TTC7A: variants seen among roughly 807,000 people sequenced by gnomAD.
TTC7A encodes the protein tetratricopeptide repeat domain 7A.
Under a neutral mutation model 103.7 loss-of-function variants are expected in TTC7A, and 110 were observed. The ratio of observed to expected loss-of-function variants is 1.06; its 90% CI spans 0.91 to 1.24. TTC7A has a LOEUF of 1.24. TTC7A is among the 50% of genes most tolerant of loss of function. The probability of loss-of-function intolerance (pLI) is 0.00; values close to 1 mark genes in which losing one functional copy is unlikely to be tolerated. For synonymous variants in TTC7A, 521 were observed against 467.9 expected, an observed-to-expected ratio of 1.11 and a Z score of -1.47; for missense variants, 1,340 against 1,116.3, an observed-to-expected ratio of 1.20 and a Z score of -2.86.
At chr2:47,056,983 C>T (rs1385915786) in intron 18 of TTC7A, among the ~76,000 whole-genome samples, 2 of 152,212 alleles carry the variant, frequency 1.3e-5, no homozygotes, top group Non-Finnish European at 2.9e-5. Context: ...GGTGCCCTGG[C>T]CAGGGGATGC....
chr2:47,044,369 G>A (rs1353924340), intron 15 of TTC7A, among the ~76,000 whole-genome samples: 1 of 152,194 alleles, frequency 6.6e-6, no homozygotes, highest in Admixed American at 6.5e-5. Flanking sequence ...GAAAGCACAG[G>A]CCCCTGATAC....
At chr2:47,062,386 C>T (rs1042546049) in intron 19 of TTC7A, among the ~76,000 whole-genome samples, 7 of 152,254 alleles carry the variant, frequency 4.6e-5, no homozygotes, top group African/African-American at 1.2e-4. Flanking sequence ...AAAGCCCGTG[C>T]AGCCACCATA....
intron 18 of TTC7A, among the ~76,000 whole-genome samples, chr2:47,053,237 T>C (rs1683018220): frequency 6.6e-6 from 1 of 152,150 alleles, no homozygotes; most frequent in Non-Finnish European, 1.5e-5. Flanking sequence ...AAGAGGGATG[T>C]TGAAAAATCC....
intron 3 of TTC7A, among the ~76,000 whole-genome samples, chr2:46,960,453 G>A (rs1672271187): frequency 6.6e-6 from 1 of 152,202 alleles, no homozygotes; most frequent in Non-Finnish European, 1.5e-5. Flanking sequence ...TGGAAGCTGA[G>A]CCTCTGATGT....
At chr2:46,999,248 C>G (rs1021275684) in intron 8 of TTC7A, among the ~76,000 whole-genome samples, 1 of 151,636 alleles carries the variant, frequency 6.6e-6, no homozygotes, top group African/African-American at 2.4e-5. Context: ...CCATGCATCC[C>G]CCTACCTATT....
chr2:47,073,327 C>A (rs1409603253), intron 19 of TTC7A, among the ~76,000 whole-genome samples: 3 of 151,972 alleles, frequency 2.0e-5, no homozygotes, highest in African/African-American at 7.3e-5. Context: ...ACCGCGCTCT[C>A]GAGAGAGATG....
chr2:47,058,770 C>T (rs564032218), intron 18 of TTC7A, among the ~76,000 whole-genome samples: 1 of 152,304 alleles, frequency 6.6e-6, no homozygotes, highest in East Asian at 1.9e-4. Context: ...AAAGTGCCTA[C>T]CGTGGGGTGT....
intron 8 of TTC7A, among the ~76,000 whole-genome samples, chr2:47,001,343 G>A (rs971623320): frequency 6.6e-6 from 1 of 152,206 alleles, no homozygotes; most frequent in African/African-American, 2.4e-5. Context: ...GAGCCCCCAG[G>A]CAGCTAGAGC....
chr2:46,986,135 A>T (rs1312678564), intron 5 of TTC7A, among the ~76,000 whole-genome samples: 2 of 152,212 alleles, frequency 1.3e-5, no homozygotes, highest in African/African-American at 4.8e-5. Context: ...TACCTGTCAG[A>T]TACTGACGTC....
chr2:47,062,352 G>T (rs563347403), intron 19 of TTC7A, among the ~76,000 whole-genome samples: 1 of 152,352 alleles, frequency 6.6e-6, no homozygotes, highest in African/African-American at 2.4e-5. Flanking sequence ...TTAGGTCTGT[G>T]TGAATGTTCA....
chr2:46,956,887 G>A lies in TTC7A; in HGVS notation c.397G>A (p.Val133Met), dbSNP rs749546800. 26 of 1,614,080 alleles carry A rather than the reference G, an allele frequency of 1.6e-5. No individual in the cohort carries two copies. The highest frequency in any genetic ancestry group is 1.6e-4 in the Middle Eastern group (1 of 6,084). The change falls in exon 3 of 20, where the codon GTG becomes ATG. Residue 133 changes from valine (V) to methionine (M), a missense_variant. Physicochemically the swap from Val to Met is conservative, Grantham distance 21. Transcript: ENST00000319190. ...GCTGATCCTGGGCAAACTGCATTAC[G>A]TGGAGGGCTCATACCGAGATGCCAT... ...AMLILGKLHYVEGSYRDAISM... is the reference protein window; with the variant it reads ...AMLILGKLHYMEGSYRDAISM...
chr2:47,062,400 C>G (rs1285677806), intron 19 of TTC7A, among the ~76,000 whole-genome samples: 2 of 152,230 alleles, frequency 1.3e-5, no homozygotes, highest in African/African-American at 4.8e-5. Context: ...CACCATACAC[C>G]CTTGTCCATG....
At chr2:47,004,628 A>C (rs1305519179) in intron 8 of TTC7A, among the ~76,000 whole-genome samples, 1 of 151,996 alleles carries the variant, frequency 6.6e-6, no homozygotes, top group Non-Finnish European at 1.5e-5. Flanking sequence ...AGACAGAGGG[A>C]GGGAGATGCA....
intron 3 of TTC7A, among the ~76,000 whole-genome samples, chr2:46,973,571 A>G (rs1673570046): frequency 6.6e-6 from 1 of 152,230 alleles, no homozygotes; most frequent in African/African-American, 2.4e-5. Context: ...AAAGTCATAC[A>G]TTCACACAAA....
At chr2:46,916,025 CTGGA>C, upstream of TTC7A, 1 of 985,464 alleles carries the variant, frequency 1.0e-6, no homozygotes, top group South Asian at 4.7e-5. Context: ...AGTTGGGCCG[CTGGA>C]CGCCCTAGGG....
chr2:46,934,787 C>CTTTTTTTTTTTTTTTTTTTTTT, intron 2 of TTC7A, among the ~76,000 whole-genome samples: 1 of 66,888 alleles, frequency 1.5e-5, no homozygotes, highest in Non-Finnish European at 2.7e-5. Context: ...GACTACTGCT[C>CTTTTTTTTTTTTTTTTTTTTTT]TTTTTTTTTT....
At chr2:46,974,907 A>G (rs1572779983) in intron 3 of TTC7A, 66 bp from the exon 4 acceptor site, 1 of 1,576,860 alleles carries the variant, frequency 6.3e-7, no homozygotes, top group East Asian at 2.3e-5. Flanking sequence ...CCTTCGGCCC[A>G]TGGGGAGGGC....
At chr2:47,002,232 T>C (rs1676895075) in intron 8 of TTC7A, among the ~76,000 whole-genome samples, 1 of 152,122 alleles carries the variant, frequency 6.6e-6, no homozygotes, top group South Asian at 2.1e-4. Context: ...ATTAAATGCA[T>C]GGATTAAACG....
intron 15 of TTC7A, among the ~76,000 whole-genome samples, chr2:47,046,077 T>C (rs534526614): frequency 6.6e-6 from 1 of 152,198 alleles, no homozygotes; most frequent in Non-Finnish European, 1.5e-5. Flanking sequence ...ATCAGCAGTG[T>C]GGGCACTGAC....
Sources: gnomAD v4.1 joint callset for allele counts (sites outside exome capture counted in the v4.1 genomes callset) on GRCh38, gnomAD v4.1.1 for gene constraint, MANE v1.5 for transcripts, NCBI Gene and HGNC (gene_info 2026-07-23, HGNC 2026-07-21) for gene names.